Variants in SMOC1 observed in about 807,000 individuals in gnomAD.
SMOC1 encodes SPARC related modular calcium binding 1, also known as SPARC-related modular calcium-binding protein 1.
A neutral mutation model predicts 56.3 loss-of-function variants in SMOC1; 22 were observed. The observed-to-expected ratio is 0.39, with a 90% CI of 0.28 to 0.56. SMOC1 has a LOEUF of 0.56. SMOC1 is among the 20% of genes least tolerant of loss of function. The pLI is 0.61. For synonymous variants in SMOC1, 193 were observed against 215.0 expected (o/e 0.90, Z 0.89); for missense variants, 509 against 565.4 (o/e 0.90, Z 1.01).
intron 1 of SMOC1, among the ~76,000 whole-genome samples, chr14:69,916,237 C>T (rs1171465857): frequency 6.6e-6 from 1 of 152,208 alleles, no homozygotes; most frequent in Non-Finnish European, 1.5e-5. Context: ...TCTCTCATAT[C>T]CCAAATCATA....
chr14:69,886,205 C>G, intron 1 of SMOC1: 3 of 783,022 alleles, frequency 3.8e-6, no homozygotes, highest in Non-Finnish European at 6.4e-6. Flanking sequence ...TGTATTCTAA[C>G]TTGTATTAAT....
Position 69,943,984 on chromosome 14 carries a change from A to G in SMOC1, c.100-8154A>G, listed in dbSNP as rs1437560169. Among the ~76,000 whole-genome samples, 7 of 152,242 alleles carry G rather than the reference A, an allele frequency of 4.6e-5. No homozygotes were observed. The East Asian group carries it at 1.2e-3, about 25-fold the overall frequency. ...TGTGGAAGAAAGAATCTGGTCTGTG[A>G]GGATCAGACTGAGAGGAGTGCTCTA... On this transcript the variant is annotated intron_variant, in intron 1 of 11. Coordinates refer to ENST00000361956, the MANE Select transcript of SMOC1 (RefSeq NM_001034852.3).
chr14:70,030,439 C>A lies in SMOC1; in HGVS notation c.*181C>A, dbSNP rs554318128. On this transcript the variant is annotated 3_prime_UTR_variant, in exon 12 of 12. Transcript: ENST00000361956. ...TTGTTTTTGGTTTCATTTTAAAACA[C>A]CAATATCTAATACCACAGTGGGAAA... 3.1e-6 allele frequency: 2 copies of A among 649,964 alleles called. No individual in the cohort carries two copies. The highest frequency in any genetic ancestry group is 5.6e-5 in the East Asian group (2 of 35,822). 40.3% of individuals were successfully genotyped at this position (649,964 alleles called of 1,614,324 possible). A position where few individuals can be genotyped will look rare whatever the true frequency, so the allele number is the denominator to read the frequency against.
chr14:69,985,200 T>C (rs1884323771), intron 5 of SMOC1, among the ~76,000 whole-genome samples: 1 of 151,770 alleles, frequency 6.6e-6, no homozygotes, highest in South Asian at 2.1e-4. Context: ...AGGATGTCAC[T>C]ACATATCTAT....
Position 69,903,795 on chromosome 14 carries a change from A to G in SMOC1, c.99+24018A>G, listed in dbSNP as rs1594794377. Reference sequence around the variant, plus strand: ...GGCCCCAGGGTCCTCTGCCTAGGAAAACCAGAGACCTTTGTTCACTTGTTT... The same window carrying G: ...GGCCCCAGGGTCCTCTGCCTAGGAAGACCAGAGACCTTTGTTCACTTGTTT... On this transcript the variant is annotated intron_variant, in intron 1 of 11. Coordinates refer to ENST00000361956, the MANE Select transcript of SMOC1 (RefSeq NM_001034852.3). Among the ~76,000 whole-genome samples, 4 of 152,066 alleles carry G rather than the reference A, an allele frequency of 2.6e-5. No homozygotes were observed. The South Asian group carries it at 8.3e-4, about 32-fold the overall frequency.
intron 3 of SMOC1, among the ~76,000 whole-genome samples, chr14:69,956,703 T>G (rs1883200199): frequency 2.0e-5 from 3 of 152,138 alleles, no homozygotes; most frequent in African/African-American, 7.2e-5. Context: ...TGGGACTCGC[T>G]GGCCTCTGTT....
intron 1 of SMOC1, among the ~76,000 whole-genome samples, chr14:69,900,325 G>A (rs977046839): frequency 1.3e-5 from 2 of 152,148 alleles, no homozygotes; most frequent in African/African-American, 2.4e-5. Context: ...CCGGCACAGC[G>A]CTAGTGTTTT....
chr14:69,887,397 TG>T (rs1883839235), intron 1 of SMOC1, among the ~76,000 whole-genome samples: 2 of 152,100 alleles, frequency 1.3e-5, no homozygotes, highest in South Asian at 4.2e-4. Flanking sequence ...TGTGGGTTGG[TG>T]TTGATACTCT....
intron 1 of SMOC1, among the ~76,000 whole-genome samples, chr14:69,949,340 G>C (rs901102672): frequency 2.0e-5 from 3 of 152,156 alleles, no homozygotes; most frequent in Non-Finnish European, 2.9e-5. Flanking sequence ...GGGAATGGCA[G>C]GCATGAGATG....
At chr14:69,935,838 C>A (rs1885281332) in intron 1 of SMOC1, among the ~76,000 whole-genome samples, 1 of 152,186 alleles carries the variant, frequency 6.6e-6, no homozygotes, top group South Asian at 2.1e-4. Flanking sequence ...GCAGTGTGCC[C>A]CTCCCTGCAG....
intron 7 of SMOC1, among the ~76,000 whole-genome samples, chr14:70,010,152 T>G (rs1488246936): frequency 6.6e-6 from 1 of 152,226 alleles, no homozygotes; most frequent in Non-Finnish European, 1.5e-5. Context: ...AGCAGCATTG[T>G]GTAATTCACT....
intron 1 of SMOC1, among the ~76,000 whole-genome samples, chr14:69,932,195 C>T (rs1234590453): frequency 6.6e-6 from 1 of 152,234 alleles, no homozygotes; most frequent in East Asian, 1.9e-4. Context: ...AGTCCACCAG[C>T]GGGGTGCTTT....
chr14:69,919,181 T>G (rs149124289), intron 1 of SMOC1, among the ~76,000 whole-genome samples: 119 of 152,276 alleles, frequency 7.8e-4, no homozygotes, highest in African/African-American at 2.7e-3. Flanking sequence ...TGTTGCTGCC[T>G]TATATAGCCA....
intron 3 of SMOC1, among the ~76,000 whole-genome samples, chr14:69,962,799 A>T (rs11849133): frequency 0.34 from 50,999 of 150,494 alleles, 8,856 homozygotes; most frequent in East Asian, 0.4. Flanking sequence ...CTGGTCTTGA[A>T]CTCCTGAGCT....
chr14:69,992,418 T>TGAC lies in SMOC1; in HGVS notation c.530_532dup (p.Asp177dup). ...GATTCTTTTTAACCCTCAATTCAGATGACGGGTCTAAGCCGACACCCACGA... is the reference window on the plus strand; with the variant it reads ...GATTCTTTTTAACCCTCAATTCAGATGACGACGGGTCTAAGCCGACACCCACGA... On this transcript the variant is annotated inframe_insertion and splice_region_variant, in exon 6 of 12. Coordinates refer to ENST00000361956, the MANE Select transcript of SMOC1 (RefSeq NM_001034852.3). 6.2e-7 allele frequency: 1 copy of TGAC among 1,614,090 alleles called. No homozygotes were observed. The highest frequency in any genetic ancestry group is 1.1e-5 in the South Asian group (1 of 91,060).
At chr14:70,007,462 A>C (rs1175301248) in intron 7 of SMOC1, among the ~76,000 whole-genome samples, 1 of 152,256 alleles carries the variant, frequency 6.6e-6, no homozygotes, top group African/African-American at 2.4e-5. Context: ...TAGCGTGCTT[A>C]GGTCGAGAAG....
chr14:69,983,624 C>A (rs530871842), intron 5 of SMOC1, among the ~76,000 whole-genome samples: 1 of 152,188 alleles, frequency 6.6e-6, no homozygotes, highest in Non-Finnish European at 1.5e-5. Flanking sequence ...CCCCTTGGAG[C>A]GGGTGGCCTG....
chr14:69,920,538 C>T (rs1884810107), intron 1 of SMOC1, among the ~76,000 whole-genome samples: 1 of 152,240 alleles, frequency 6.6e-6, no homozygotes, highest in South Asian at 2.1e-4. Context: ...TCTGTCCTCC[C>T]ATCCCAATGC....
At chr14:69,904,408 A>G (rs1033655223) in intron 1 of SMOC1, among the ~76,000 whole-genome samples, 4 of 152,206 alleles carry the variant, frequency 2.6e-5, no homozygotes, top group African/African-American at 9.6e-5. Flanking sequence ...TGTGTAACTT[A>G]TCTGAACAAT....
Sources: gnomAD v4.1 joint callset for allele counts (sites outside exome capture counted in the v4.1 genomes callset) on GRCh38, gnomAD v4.1.1 for gene constraint, MANE v1.5 for transcripts, NCBI Gene and HGNC (gene_info 2026-07-23, HGNC 2026-07-21) for gene names.